SETBP1: variants seen among roughly 807,000 people sequenced by gnomAD.
The protein encoded by SETBP1 is SET-binding protein.
A neutral mutation model predicts 101.0 loss-of-function variants in SETBP1; 9 were observed. The observed-to-expected ratio is 0.09, with a 90% CI of 0.05 to 0.16. The LOEUF is 0.16. SETBP1 is among the 10% of genes least tolerant of loss of function. The probability of loss-of-function intolerance (pLI) is 1.00; values close to 1 mark genes in which losing one functional copy is unlikely to be tolerated. For missense variants in SETBP1, 1,858 were observed against 2,033.8 expected (o/e 0.91, Z 1.66); for synonymous variants, 818 against 788.5 (o/e 1.04, Z -0.63).
At chr18:44,758,539 C>T (rs7236215) in intron 2 of SETBP1, among the ~76,000 whole-genome samples, 77,219 of 151,836 alleles carry the variant, frequency 0.51, 19,996 homozygotes, top group African/African-American at 0.55. Context: ...CCTGCCACCA[C>T]GCCCGGCTAA....
chr18:45,051,805 C>T (rs2073726739), intron 5 of SETBP1, among the ~76,000 whole-genome samples: 1 of 152,194 alleles, frequency 6.6e-6, no homozygotes, highest in Admixed American at 6.5e-5. Flanking sequence ...TGAAACTCCA[C>T]TTCTCTTATG....
intron 2 of SETBP1, among the ~76,000 whole-genome samples, chr18:44,804,668 A>T (rs2144793329): frequency 6.6e-6 from 1 of 152,168 alleles, no homozygotes; most frequent in East Asian, 1.9e-4. Context: ...CACTATGAGG[A>T]AGGCAAAAGC....
At chr18:44,925,804 C>T (rs971446209) in intron 3 of SETBP1, among the ~76,000 whole-genome samples, 8 of 152,176 alleles carry the variant, frequency 5.3e-5, no homozygotes, top group Non-Finnish European at 5.9e-5. Flanking sequence ...TTTTCACATC[C>T]ATTAGGACTT....
chr18:44,698,064 G>C (rs867568833), intron 1 of SETBP1, among the ~76,000 whole-genome samples: 1 of 152,168 alleles, frequency 6.6e-6, no homozygotes, highest in Non-Finnish European at 1.5e-5. Flanking sequence ...ATTTGCTTTG[G>C]TCTTTTAAGG....
intron 2 of SETBP1, among the ~76,000 whole-genome samples, chr18:44,817,936 A>T (rs999525781): frequency 6.6e-5 from 10 of 152,224 alleles, no homozygotes; most frequent in Non-Finnish European, 1.2e-4. Flanking sequence ...TCTGGCACTT[A>T]CTGTCTTTGG....
chr18:44,745,643 C>T (rs933827605), intron 2 of SETBP1, among the ~76,000 whole-genome samples: 10 of 152,170 alleles, frequency 6.6e-5, no homozygotes, highest in Admixed American at 3.9e-4. Context: ...CAACAGGAAA[C>T]GAGCTTGTGC....
intron 2 of SETBP1, among the ~76,000 whole-genome samples, chr18:44,846,339 C>T (rs1007449801): frequency 3.3e-5 from 5 of 152,170 alleles, no homozygotes; most frequent in South Asian, 4.1e-4. Context: ...TGGTGTATTA[C>T]AAAGTTGTGC....
At chr18:44,728,404 CT>C (rs2069761924) in intron 2 of SETBP1, among the ~76,000 whole-genome samples, 1 of 152,138 alleles carries the variant, frequency 6.6e-6, no homozygotes, top group Non-Finnish European at 1.5e-5. Flanking sequence ...GAAAAAGTCA[CT>C]GTTTTGTTTC....
At chr18:44,964,393 A>G (rs1300349114) in intron 4 of SETBP1, among the ~76,000 whole-genome samples, 1 of 152,154 alleles carries the variant, frequency 6.6e-6, no homozygotes, top group Non-Finnish European at 1.5e-5. Flanking sequence ...CTAAATATGT[A>G]AGGGACACCT....
intron 5 of SETBP1, among the ~76,000 whole-genome samples, chr18:45,049,003 A>G (rs12954596): frequency 6.7e-6 from 1 of 149,740 alleles, no homozygotes; most frequent in Non-Finnish European, 1.5e-5. Context: ...AAAAAAAAAA[A>G]AAATAGAAGA....
In SETBP1 at chr18:44,951,135, G is replaced by C; in HGVS notation, c.1795G>C (p.Glu599Gln). Residue 599 changes from glutamate to glutamine, a missense_variant, in exon 4 of 6, where the codon GAG (glutamate) becomes CAG (glutamine). Around this residue, in one of 12 missense-constraint regions of SETBP1, gnomAD observed 24 missense variants for 68.4 expected, o/e 0.35. Coordinates refer to ENST00000649279, the MANE Select transcript of SETBP1 (RefSeq NM_015559.3). The surrounding 1 kb of genome is among the most constrained non-coding windows in gnomAD (Gnocchi z 7.8). ...RPKKQPLLTVETIHEGTSTSP... is the reference protein window; with the variant it reads ...RPKKQPLLTVQTIHEGTSTSP... ...AAAGAAGCAGCCTTTGCTCACAGTC[G>C]AGACGATTCATGAGGGAACTTCCAC... is the stretch of plus-strand genomic sequence containing the variant. 6.2e-7 allele frequency: 1 copy of C among 1,614,054 alleles called. No homozygotes were observed. The highest frequency in any genetic ancestry group is 8.5e-7 in the Non-Finnish European group (1 of 1,180,026).
chr18:44,684,485 G>A (rs2068805577), intron 1 of SETBP1, among the ~76,000 whole-genome samples: 1 of 151,992 alleles, frequency 6.6e-6, no homozygotes, highest in African/African-American at 2.4e-5. Flanking sequence ...AGAAGGTTTT[G>A]GAGGACTGTA....
intron 2 of SETBP1, among the ~76,000 whole-genome samples, chr18:44,839,255 G>A (rs911841642): frequency 2.0e-5 from 3 of 152,214 alleles, no homozygotes; most frequent in Admixed American, 2.0e-4. Flanking sequence ...GGTGGGATCA[G>A]GGTGAAGAGC....
chr18:44,928,567 T>A (rs10853527), intron 3 of SETBP1, among the ~76,000 whole-genome samples: 35,985 of 152,162 alleles, frequency 0.24, 4,312 homozygotes, highest in East Asian at 0.27. Context: ...GCATTCCTAT[T>A]TCTCCACATC....
chr18:44,973,616 C>T (rs1367466903), intron 4 of SETBP1, among the ~76,000 whole-genome samples: 1 of 152,136 alleles, frequency 6.6e-6, no homozygotes, highest in Non-Finnish European at 1.5e-5. Context: ...GAAAAGGCAG[C>T]ATTTCATTAA....
At chr18:44,964,932 C>T (rs995238223) in intron 4 of SETBP1, among the ~76,000 whole-genome samples, 6 of 152,164 alleles carry the variant, frequency 3.9e-5, no homozygotes, top group Non-Finnish European at 7.4e-5. Flanking sequence ...ATTATCCAAA[C>T]GGGGATACAT....
rs201525983 is a variant in SETBP1 at position 45,002,086 on chromosome 18, GA to G, written c.4001-36392del. The stretch of plus-strand genomic sequence containing the variant: ...CGCTTCCGTACATTGATCTCTCTTT[GA>G]AAAAAACAAAGCCTTCTCCCCCACA... On this transcript the variant is annotated intron_variant, in intron 4 of 5. Transcript: ENST00000649279. Among the ~76,000 whole-genome samples, 1,318 of 152,120 alleles carry G rather than the reference GA, an allele frequency of 8.7e-3. 19 individuals are homozygous for G. Among genetic ancestry groups the G allele is most frequent in the African/African-American group, 0.03 (1,248 of 41,514 alleles).
At chr18:44,785,334 G>T (rs1309462890) in intron 2 of SETBP1, among the ~76,000 whole-genome samples, 1 of 152,188 alleles carries the variant, frequency 6.6e-6, no homozygotes, top group Non-Finnish European at 1.5e-5. Context: ...AGCCCCAGAA[G>T]TTGCATTGCA....
At chr18:44,982,061 G>A (rs1026397158) in intron 4 of SETBP1, among the ~76,000 whole-genome samples, 1 of 152,222 alleles carries the variant, frequency 6.6e-6, no homozygotes, top group African/African-American at 2.4e-5. Context: ...TGGGGAAGGT[G>A]GGGTGGAGTT....
Sources: gnomAD v4.1 joint callset for allele counts (sites outside exome capture counted in the v4.1 genomes callset) on GRCh38, gnomAD v4.1.1 for gene constraint, gnomAD v4.1.1 regional missense constraint, Gnocchi (gnomAD v3.1) non-coding constraint, MANE v1.5 for transcripts, NCBI Gene and HGNC (gene_info 2026-07-23, HGNC 2026-07-21) for gene names.